Variants in TNFSF10 observed in about 807,000 individuals in gnomAD.
The protein encoded by TNFSF10 is TNF superfamily member 10, also known as tumor necrosis factor ligand superfamily member 10.
TNFSF10 carries 13 observed loss-of-function variants against 29.5 expected under a neutral mutation model. The observed-to-expected ratio is 0.44, with a 90% CI of 0.29 to 0.70. TNFSF10 has a LOEUF of 0.70. TNFSF10 is among the 30% of genes least tolerant of loss of function. The probability of loss-of-function intolerance (pLI) is 0.13; values close to 1 mark genes in which losing one functional copy is unlikely to be tolerated. For synonymous variants in TNFSF10, 111 were observed against 112.8 expected, an observed-to-expected ratio of 0.98 and a Z score of 0.10; for missense variants, 345 against 330.9, an observed-to-expected ratio of 1.04 and a Z score of -0.33.
At chr3:172,512,539 C>T (rs905717413) in intron 2 of TNFSF10, among the ~76,000 whole-genome samples, 1 of 152,226 alleles carries the variant, frequency 6.6e-6, no homozygotes, top group African/African-American at 2.4e-5. Context: ...TCTCCCTCCA[C>T]CGCAAGCCCT....
At chr3:172,516,359 G>T (rs371088627) in intron 1 of TNFSF10, among the ~76,000 whole-genome samples, 28 of 152,052 alleles carry the variant, frequency 1.8e-4, no homozygotes, top group East Asian at 1.7e-3. Flanking sequence ...TACTGCAAAG[G>T]TTGAAGGGAG....
intron 1 of TNFSF10, among the ~76,000 whole-genome samples, chr3:172,516,760 G>A (rs558436825): frequency 5.9e-5 from 9 of 152,164 alleles, no homozygotes; most frequent in Non-Finnish European, 1.0e-4. Context: ...ACATCCAGTT[G>A]CACCTCGAAT....
In TNFSF10 at chr3:172,523,287, A is replaced by G; in HGVS notation, c.98T>C (p.Val33Ala). The G allele has an allele frequency of 6.2e-7, 1 of 1,613,998 alleles. No homozygotes were observed. The highest frequency in any genetic ancestry group is 8.5e-7 in the Non-Finnish European group (1 of 1,179,878). The change falls in exon 1 of 5, where the codon GTA (valine) becomes GCA (alanine). Residue 33 changes from valine (V) to alanine (A), a missense_variant. Val to Ala is a moderately conservative substitution (Grantham distance 64). Transcript: ENST00000241261. Reference sequence around the variant, plus strand: ...CTCGTTGGTAAAGTACACGTAAGTTACAGCCACACAGAGAGACTGCAGGAG... The same window carrying G: ...CTCGTTGGTAAAGTACACGTAAGTTGCAGCCACACAGAGAGACTGCAGGAG... Reference protein sequence around the residue: ...TVLLQSLCVAVTYVYFTNELK... With the variant: ...TVLLQSLCVAATYVYFTNELK...
intron 3 of TNFSF10, 54 bp downstream of exon 3, chr3:172,511,563 A>G: frequency 7.1e-7 from 1 of 1,418,288 alleles, no homozygotes; most frequent in Non-Finnish European, 9.8e-7. Flanking sequence ...ACTATTCACA[A>G]CCTGTCATGA....
chr3:172,509,136 T>G, intron 4 of TNFSF10, 81 bp downstream of exon 4: 1 of 1,190,536 alleles, frequency 8.4e-7, no homozygotes, highest in Non-Finnish European at 1.2e-6. Context: ...ACATTTCAGA[T>G]AAAATTCTTT....
In TNFSF10 at chr3:172,514,815, T is replaced by C. The variant is rs747535574; in HGVS notation, c.270+46A>G. ...ATTCCTTTGCTTTAAGGAATTCTTCTGGCCTTCTCCGCCTGCTGGTGAGGT... is the reference window on the plus strand; with the variant it reads ...ATTCCTTTGCTTTAAGGAATTCTTCCGGCCTTCTCCGCCTGCTGGTGAGGT... On this transcript the variant is annotated intron_variant, in intron 2 of 4. Coordinates refer to ENST00000241261, the MANE Select transcript of TNFSF10 (RefSeq NM_003810.4). 1.2e-6 allele frequency: 2 copies of C among 1,606,086 alleles called. 1 individual carries two copies. Among genetic ancestry groups the C allele is most frequent in the South Asian group, 2.2e-5 (2 of 90,504 alleles).
At chr3:172,520,382 A>T (rs1307763244) in intron 1 of TNFSF10, among the ~76,000 whole-genome samples, 1 of 152,228 alleles carries the variant, frequency 6.6e-6, no homozygotes, top group Admixed American at 6.5e-5. Context: ...TACCCATGAC[A>T]TGCCCGTGCC....
At position 172,508,898 on chromosome 3, in the gene TNFSF10, A is replaced by G. The variant is rs1326953007; in HGVS notation, c.418+319T>C. ...ACGTGAAACTCTGTCTAAAAAAAAA[A>G]AGGAAAGAAAGAAAGAAAAAGAAAG... On this transcript the variant is annotated intron_variant, in intron 4 of 4. Transcript: ENST00000241261. Among the ~76,000 whole-genome samples the G allele has an allele frequency of 2.3e-5, 3 of 130,352 alleles. No homozygotes were observed. The East Asian group carries it at 6.7e-4, about 29-fold the overall frequency. The allele number at this position is 130,352 out of a possible 152,430, so 85.5% of individuals were successfully genotyped here. A position where few individuals can be genotyped will look rare whatever the true frequency, so the allele number is the denominator to read the frequency against.
At chr3:172,513,834 AT>A (rs5854474) in intron 2 of TNFSF10, among the ~76,000 whole-genome samples, 29,554 of 146,434 alleles carry the variant, frequency 0.2, 4,380 homozygotes, top group African/African-American at 0.43. Context: ...GGCAGAAGCA[AT>A]TTTTTTTTTT....
chr3:172,522,124 G>A, intron 1 of TNFSF10: 1 of 263,006 alleles, frequency 3.8e-6, no homozygotes, highest in South Asian at 3.8e-5. Context: ...TGGGTTGATG[G>A]GTGCAGCAAA....
intron 4 of TNFSF10, 111 bp from the exon 5 acceptor site, chr3:172,507,030 T>C: frequency 1.1e-6 from 1 of 874,858 alleles, no homozygotes; most frequent in South Asian, 1.9e-5. Context: ...TGCCAGGGAT[T>C]TCAATCTAAT....
Position 172,509,319 on chromosome 3 carries a change from T to C in TNFSF10, c.316A>G (p.Lys106Glu), listed in dbSNP as rs1713123472. Residue 106 changes from lysine (K) to glutamate (E), a missense_variant and splice_region_variant, in exon 4 of 5, where the codon AAG becomes GAG. Lys to Glu is a moderately conservative substitution (Grantham distance 56). Coordinates refer to ENST00000241261, the MANE Select transcript of TNFSF10 (RefSeq NM_003810.4). ...ACTAGGGGAGAAATATTTTGTTGCT[T>C]TTCTAAAAGAGAAATGATAAAGGGT... ...SEETISTVQE[K>E]QQNISPLVRE... The C allele has an allele frequency of 6.2e-7, 1 of 1,613,020 alleles. No homozygotes were observed. Among genetic ancestry groups the C allele is most frequent in the Non-Finnish European group, 8.5e-7 (1 of 1,179,416 alleles).
chr3:172,509,422 G>T, intron 3 of TNFSF10, 101 bp from the exon 4 acceptor site: 4 of 745,848 alleles, frequency 5.4e-6, no homozygotes, highest in Admixed American at 3.2e-5. Flanking sequence ...AAGCATACTG[G>T]GCTTCCAAAG....
In TNFSF10 at chr3:172,505,905, T is replaced by C. The variant is rs1712962412; in HGVS notation, c.*587A>G. 1 of 152,234 alleles carries C rather than the reference T, an allele frequency of 6.6e-6. No homozygotes were observed. Among genetic ancestry groups the C allele is most frequent in the Non-Finnish European group, 1.5e-5 (1 of 68,106 alleles). 9.4% of individuals were successfully genotyped at this position (152,234 alleles called of 1,614,324 possible). A position where few individuals can be genotyped will look rare whatever the true frequency, so the allele number is the denominator to read the frequency against. On this transcript the variant is annotated 3_prime_UTR_variant, in exon 5 of 5. Transcript: ENST00000241261. ...ACACACCCAGCTAATTTTTGTACTT[T>C]CAGTAGAGATGGGGTTTCACTATGT... is the stretch of plus-strand genomic sequence containing the variant.
At chr3:172,508,582 T>A (rs1336996629) in intron 4 of TNFSF10, among the ~76,000 whole-genome samples, 1 of 151,918 alleles carries the variant, frequency 6.6e-6, no homozygotes, top group Non-Finnish European at 1.5e-5. Context: ...TGCAGAGGGA[T>A]GGAAGAAGTA....
At chr3:172,510,942 T>C (rs1233848752) in intron 3 of TNFSF10, among the ~76,000 whole-genome samples, 1 of 151,208 alleles carries the variant, frequency 6.6e-6, no homozygotes, top group Non-Finnish European at 1.5e-5. Context: ...AATAACAGAG[T>C]GCAGGGAATT....
chr3:172,522,147 A>C, intron 1 of TNFSF10: 2 of 324,244 alleles, frequency 6.2e-6, no homozygotes, highest in Non-Finnish European at 6.0e-6. Flanking sequence ...ACCATGGCAC[A>C]TGTATACCTA....
chr3:172,517,665 T>A, intron 1 of TNFSF10: 2 of 985,452 alleles, frequency 2.0e-6, no homozygotes, highest in Non-Finnish European at 2.4e-6. Context: ...TGCATAATTT[T>A]GAGTATGGTT....
At chr3:172,507,024 A>G in intron 4 of TNFSF10, 105 bp from the exon 5 acceptor site, 1 of 970,948 alleles carries the variant, frequency 1.0e-6, no homozygotes, top group Non-Finnish European at 1.5e-6. Context: ...TGGGCTTGCC[A>G]GGGATTTCAA....
Sources: gnomAD v4.1 joint callset for allele counts (sites outside exome capture counted in the v4.1 genomes callset) on GRCh38, gnomAD v4.1.1 for gene constraint, MANE v1.5 for transcripts, NCBI Gene and HGNC (gene_info 2026-07-23, HGNC 2026-07-21) for gene names.